Variants in DRG2 observed in about 807,000 individuals in gnomAD.
DRG2 encodes developmentally regulated GTP binding protein 2, also known as developmentally-regulated GTP-binding protein 2.
Under a neutral mutation model 53.4 loss-of-function variants are expected in DRG2, and 36 were observed. The observed-to-expected ratio is 0.67, with a 90% CI of 0.52 to 0.89. The LOEUF (loss-of-function observed/expected upper bound fraction) is 0.89. DRG2 is among the 40% of genes least tolerant of loss of function. The pLI is 0.00. For synonymous variants in DRG2, 167 were observed against 192.1 expected (o/e 0.87, Z 1.08); for missense variants, 342 against 481.2 (o/e 0.71, Z 2.71).
rs2045497427 is a variant in DRG2 at position 18,099,790 on chromosome 17, A to G, written c.467+67A>G. 8.0e-6 allele frequency: 12 copies of G among 1,507,138 alleles called. No homozygotes were observed. Among genetic ancestry groups the G allele is most frequent in the Non-Finnish European group, 1.1e-5 (12 of 1,108,620 alleles). 93.4% of individuals were successfully genotyped at this position (1,507,138 alleles called of 1,614,324 possible). On this transcript the variant is annotated intron_variant, in intron 5 of 12. Coordinates refer to ENST00000225729, the MANE Select transcript of DRG2 (RefSeq NM_001388.5). The surrounding 1 kb of genome is among the most constrained non-coding windows in gnomAD (Gnocchi z 4.4). Reference sequence around the variant, plus strand: ...AGGGCCAATGTGTCCCTGAGCTCGTACTAGGCGGCCTGTGGGTGTTTGGCT... The same window carrying G: ...AGGGCCAATGTGTCCCTGAGCTCGTGCTAGGCGGCCTGTGGGTGTTTGGCT...
At position 18,100,764 on chromosome 17, in the gene DRG2, C is replaced by G; in HGVS notation, c.631+105C>G. The G allele has an allele frequency of 1.8e-6, 2 of 1,109,032 alleles. No individual in the cohort carries two copies. The highest frequency in any genetic ancestry group is 2.6e-6 in the Non-Finnish European group (2 of 758,286). The allele number at this position is 1,109,032 out of a possible 1,614,324, so 68.7% of individuals were successfully genotyped here. A position where few individuals can be genotyped will look rare whatever the true frequency, so the allele number is the denominator to read the frequency against. Reference sequence around the variant, plus strand: ...CTCATGGAGCAGGGTGGCAGCAGGTCACCCCCACTGCCCCTGCTGTCCATT... The same window carrying G: ...CTCATGGAGCAGGGTGGCAGCAGGTGACCCCCACTGCCCCTGCTGTCCATT... On this transcript the variant is annotated intron_variant, in intron 7 of 12. Transcript: ENST00000225729. The surrounding 1 kb of genome is among the most constrained non-coding windows in gnomAD (Gnocchi z 4.1).
chr17:18,094,974 CAAAAAAAAAAAA>C (rs1165321853), intron 2 of DRG2, among the ~76,000 whole-genome samples: 21 of 25,318 alleles, frequency 8.3e-4, no homozygotes, highest in African/African-American at 1.1e-3. Context: ...AACTCCATCT[CAAAAAAAAAAAA>C]AAAAAAAAAA....
chr17:18,093,558 T>C (rs929601355), intron 1 of DRG2, among the ~76,000 whole-genome samples: 4 of 152,174 alleles, frequency 2.6e-5, no homozygotes, highest in African/African-American at 7.2e-5. Context: ...CCTCAGGTGA[T>C]CCACCCGCCT....
In DRG2 at chr17:18,099,771, A is replaced by G. The variant is rs752802944; in HGVS notation, c.467+48A>G. On this transcript the variant is annotated intron_variant, in intron 5 of 12. Coordinates refer to ENST00000225729, the MANE Select transcript of DRG2 (RefSeq NM_001388.5). This position sits in a 1 kb window ranked among gnomAD's most constrained non-coding sequence, Gnocchi z 4.4. ...CAGGCTCACATGTCTGGGGAGGGCC[A>G]ATGTGTCCCTGAGCTCGTACTAGGC... 1.3e-6 allele frequency: 2 copies of G among 1,554,190 alleles called. No homozygotes were observed.
At chr17:18,102,627 A>C (rs1467340093) in intron 9 of DRG2, among the ~76,000 whole-genome samples, 1 of 150,810 alleles carries the variant, frequency 6.6e-6, no homozygotes, top group Non-Finnish European at 1.5e-5. Context: ...TCTCAAAAAA[A>C]AAAAAAAAAA....
intron 1 of DRG2, among the ~76,000 whole-genome samples, chr17:18,090,442 G>A: frequency 1.4e-5 from 1 of 70,252 alleles, no homozygotes; most frequent in Admixed American, 1.8e-4. Flanking sequence ...TTGAGATGGA[G>A]TTTCACTCTT....
Position 18,099,277 on chromosome 17 carries a change from G to T in DRG2, c.376+200G>T. The T allele has an allele frequency of 1.5e-6, 1 of 656,254 alleles. No individual in the cohort carries two copies. The highest frequency in any genetic ancestry group is 1.9e-5 in the South Asian group (1 of 51,778). 40.7% of individuals were successfully genotyped at this position (656,254 alleles called of 1,614,324 possible). On this transcript the variant is annotated intron_variant, in intron 4 of 12. Transcript: ENST00000225729. The surrounding 1 kb of genome is among the most constrained non-coding windows in gnomAD (Gnocchi z 4.4). Reference sequence around the variant, plus strand: ...AAGTGATTGGGTATCTCTAAGCCAAGCCTCAGTTTCCTCAGCTGTAGAATG... The same window carrying T: ...AAGTGATTGGGTATCTCTAAGCCAATCCTCAGTTTCCTCAGCTGTAGAATG...
In DRG2 at chr17:18,103,903, C is replaced by T. The variant is rs201452292; in HGVS notation, c.895+14C>T. On this transcript the variant is annotated intron_variant, in intron 10 of 12. Coordinates refer to ENST00000225729, the MANE Select transcript of DRG2 (RefSeq NM_001388.5). The surrounding 1 kb of genome is among the most constrained non-coding windows in gnomAD (Gnocchi z 4.4). ...AGAAGAGAGGACGTGAGTTGCACTG[C>T]GCGTAGCTGAAAAACAGGCTGAGCT... 31 of 1,612,868 alleles carry T rather than the reference C, an allele frequency of 1.9e-5. No individual in the cohort carries two copies. The highest frequency in any genetic ancestry group is 2.5e-5 in the Non-Finnish European group (30 of 1,178,978).
At chr17:18,094,823 A>G (rs942731320) in intron 2 of DRG2, among the ~76,000 whole-genome samples, 1 of 151,362 alleles carries the variant, frequency 6.6e-6, no homozygotes, top group African/African-American at 2.4e-5. Flanking sequence ...AAAAATACAA[A>G]ATTAGCCAGG....
chr17:18,093,243 C>T (rs1254847532), intron 1 of DRG2, among the ~76,000 whole-genome samples: 1 of 152,150 alleles, frequency 6.6e-6, no homozygotes, highest in Non-Finnish European at 1.5e-5. Context: ...TCCAGAATGC[C>T]CCCCAGGAAG....
Position 18,099,946 on chromosome 17 carries a change from T to TTGGCC in DRG2, c.467+229_467+233dup. 1.6e-6 allele frequency: 1 copy of TTGGCC among 606,964 alleles called. No individual in the cohort carries two copies. Among genetic ancestry groups the TTGGCC allele is most frequent in the South Asian group, 2.0e-5 (1 of 50,526 alleles). 37.6% of individuals were successfully genotyped at this position (606,964 alleles called of 1,614,324 possible). A position where few individuals can be genotyped will look rare whatever the true frequency, so the allele number is the denominator to read the frequency against. On this transcript the variant is annotated intron_variant, in intron 5 of 12. Coordinates refer to ENST00000225729, the MANE Select transcript of DRG2 (RefSeq NM_001388.5). The surrounding 1 kb of genome is among the most constrained non-coding windows in gnomAD (Gnocchi z 4.4). ...ATCTTGGGACTGGGGGCCGAGGGGC[T>TTGGCC]TGGCCTGGCCCTGCTTCCTGTTCAG...
chr17:18,107,372 T>C lies in DRG2; in HGVS notation c.*132T>C. Reference sequence around the variant, plus strand: ...GAAGGGGTCCCTCAAGTCTCTGCTATTTACAGAAGTTTCTTCAGTAGGCAG... The same window carrying C: ...GAAGGGGTCCCTCAAGTCTCTGCTACTTACAGAAGTTTCTTCAGTAGGCAG... On this transcript the variant is annotated 3_prime_UTR_variant, in exon 13 of 13. Transcript: ENST00000225729. 1.1e-6 allele frequency: 1 copy of C among 877,980 alleles called. No individual in the cohort carries two copies. Among genetic ancestry groups the C allele is most frequent in the South Asian group, 1.6e-5 (1 of 63,428 alleles). 54.4% of individuals were successfully genotyped at this position (877,980 alleles called of 1,614,324 possible). A position where few individuals can be genotyped will look rare whatever the true frequency, so the allele number is the denominator to read the frequency against.
intron 2 of DRG2, chr17:18,096,473 G>A (rs2045435809): frequency 6.6e-6 from 1 of 152,204 alleles, no homozygotes; most frequent in Non-Finnish European, 1.5e-5. Flanking sequence ...TAGCTTTGGA[G>A]CTATTTTAGT....
At chr17:18,095,254 C>T (rs796877415) in intron 2 of DRG2, among the ~76,000 whole-genome samples, 6 of 151,908 alleles carry the variant, frequency 3.9e-5, no homozygotes, top group South Asian at 4.2e-4. Flanking sequence ...TCAGGTGATC[C>T]GCCCACCTTG....
In DRG2 at chr17:18,100,334, G is replaced by A. The variant is rs854814; in HGVS notation, c.468-29G>A. On this transcript the variant is annotated intron_variant, in intron 5 of 12. Coordinates refer to ENST00000225729, the MANE Select transcript of DRG2 (RefSeq NM_001388.5). The surrounding 1 kb of genome is among the most constrained non-coding windows in gnomAD (Gnocchi z 4.1). ...GTGCATCTGGCTCTGTGGACAGCCT[G>A]TGAGGGGCTTAAGGGGTACTCTTCC... The A allele has an allele frequency of 0.37, 591,076 of 1,611,820 alleles. 119,342 individuals are homozygous for A. The highest frequency in any genetic ancestry group is 0.7 in the South Asian group (63,547 of 91,010).
chr17:18,090,384 A>ATTTTTT (rs2045300834), intron 1 of DRG2, among the ~76,000 whole-genome samples: 1 of 9,300 alleles, frequency 1.1e-4, no homozygotes, highest in African/African-American at 7.8e-4. Flanking sequence ...ATATATATAT[A>ATTTTTT]TATATATATA....
rs201240203 is a variant in DRG2, at chr17:18,093,878, C to A, written c.130C>A (p.Pro44Thr). ...CAAGTATCGGGCCCAGCTCCTGGAA[C>A]CGTCCAAATCGGCCTCGTCCAAAGG... is the stretch of plus-strand genomic sequence containing the variant. ...LAKYRAQLLE[P>T]SKSASSKGEG... is the part of the protein sequence containing the mutation. Residue 44 changes from proline to threonine, a missense_variant, in exon 2 of 13, where the codon CCG becomes ACG. Coordinates refer to ENST00000225729, the MANE Select transcript of DRG2 (RefSeq NM_001388.5). 140 of 1,614,068 alleles carry A rather than the reference C, an allele frequency of 8.7e-5. No individual in the cohort carries two copies. The highest frequency in any genetic ancestry group is 1.1e-4 in the Non-Finnish European group (131 of 1,180,034).
rs1232830249 is a variant in DRG2 at position 18,099,726 on chromosome 17, C to T, written c.467+3C>T. 1.3e-6 allele frequency: 2 copies of T among 1,599,732 alleles called. No homozygotes were observed. The highest frequency in any genetic ancestry group is 1.1e-5 in the South Asian group (1 of 88,158). The stretch of plus-strand genomic sequence containing the variant: ...GCCACCAAGGGAGAGGTGCAGAGGT[C>T]CGCAGGGTGGGGCATGGGGCAGGCT... On this transcript the variant is annotated splice_donor_region_variant and intron_variant, in intron 5 of 12. Coordinates refer to ENST00000225729, the MANE Select transcript of DRG2 (RefSeq NM_001388.5). The surrounding 1 kb of genome is among the most constrained non-coding windows in gnomAD (Gnocchi z 4.4).
chr17:18,100,635 G>T lies in DRG2; in HGVS notation c.607G>T (p.Val203Leu), dbSNP rs773366130. The T allele has an allele frequency of 1.9e-6, 3 of 1,614,112 alleles. No individual in the cohort carries two copies. In the Admixed American group the frequency reaches 5.0e-5, roughly 27 times the overall value. ...GCTGACCCAGTGCTCGGAAAAGCTG[G>T]TGCAGCTCATCCTGCACGAATACAG... is the stretch of plus-strand genomic sequence containing the variant. The part of the protein sequence containing the change: ...VTLTQCSEKL[V>L]QLILHEYKIF... The change falls in exon 7 of 13, where the codon GTG (valine) becomes TTG (leucine). Residue 203 changes from valine to leucine, a missense_variant. Physicochemically the swap from Val to Leu is conservative, Grantham distance 32 (BLOSUM62 1). Coordinates refer to ENST00000225729, the MANE Select transcript of DRG2 (RefSeq NM_001388.5). The surrounding 1 kb of genome is among the most constrained non-coding windows in gnomAD (Gnocchi z 4.1).
Sources: gnomAD v4.1 joint callset for allele counts (sites outside exome capture counted in the v4.1 genomes callset) on GRCh38, gnomAD v4.1.1 for gene constraint, Gnocchi (gnomAD v3.1) non-coding constraint, MANE v1.5 for transcripts, NCBI Gene and HGNC (gene_info 2026-07-23, HGNC 2026-07-21) for gene names.